The following CNBP variants were observed in gnomAD, a reference collection of about 807,000 sequenced individuals.
The protein encoded by CNBP is CCHC-type zinc finger nucleic acid binding protein.
A neutral mutation model predicts 21.2 loss-of-function variants in CNBP; 6 were observed. The ratio of observed to expected loss-of-function variants is 0.28; its 90% confidence interval spans 0.16 to 0.56. The LOEUF (loss-of-function observed/expected upper bound fraction) is 0.56, where lower values mean the gene tolerates loss of function less well. Ranked by LOEUF, CNBP falls within the 20% of genes least tolerant of loss-of-function variation. The pLI, the probability that CNBP is intolerant of heterozygous loss-of-function variation, is 0.93. For synonymous variants in CNBP, 61 were observed against 74.9 expected, an observed-to-expected ratio of 0.81 and a Z score of 0.96; for missense variants, 112 against 233.1, an observed-to-expected ratio of 0.48 and a Z score of 3.38.
At position 129,181,517 on chromosome 3, in the gene CNBP, G is replaced by A. The variant is rs184405683; in HGVS notation, c.-15+2259C>T. Among the ~76,000 whole-genome samples the A allele has an allele frequency of 7.3e-3, 1,101 of 151,356 alleles. 5 individuals are homozygous for A. Among genetic ancestry groups the A allele is most frequent in the Middle Eastern group, 0.042 (12 of 288 alleles). On this transcript the variant is annotated intron_variant, in intron 1 of 4. Transcript: ENST00000422453. ...AATACAAAAACTAGCTGGGTGTGGC[G>A]GCGGGCGCCTGTAATCCCAGCTACT...
intron 1 of CNBP, among the ~76,000 whole-genome samples, chr3:129,175,389 G>T (rs1378690421): frequency 6.7e-6 from 1 of 150,318 alleles, no homozygotes; most frequent in Non-Finnish European, 1.5e-5. Context: ...GGCAAAGGCA[G>T]AACTTTACAC....
At chr3:129,181,539 T>A (rs1219732517) in intron 1 of CNBP, among the ~76,000 whole-genome samples, 1 of 149,920 alleles carries the variant, frequency 6.7e-6, no homozygotes, top group Non-Finnish European at 1.5e-5. Flanking sequence ...TAATCCCAGC[T>A]ACTTCGGAGG....
rs553299762 is a variant in CNBP at position 129,172,576 on chromosome 3, A to ACAGG, written c.-14-809_-14-806dup. Reference sequence around the variant, plus strand: ...CAGCCTAGGGGACAAAGTGAGACAGACAGGCAGGCAGGCAGGCAGGCAGGC... The same window carrying ACAGG: ...CAGCCTAGGGGACAAAGTGAGACAGACAGGCAGGCAGGCAGGCAGGCAGGCAGGC... On this transcript the variant is annotated intron_variant, in intron 1 of 4. Transcript: ENST00000422453. Among the ~76,000 whole-genome samples the ACAGG allele has an allele frequency of 1.5e-3, 172 of 116,244 alleles. 1 individual carries two copies. The Middle Eastern group carries it at 0.015, about 10-fold the overall frequency. The allele number at this position is 116,244 out of a possible 152,430, so 76.3% of individuals were successfully genotyped here. A position where few individuals can be genotyped will look rare whatever the true frequency, so the allele number is the denominator to read the frequency against.
At chr3:129,179,823 A>G (rs188144234) in intron 1 of CNBP, among the ~76,000 whole-genome samples, 6 of 151,966 alleles carry the variant, frequency 3.9e-5, no homozygotes, top group Admixed American at 3.9e-4. Flanking sequence ...ACAAAGCGAG[A>G]CTCCGTCTCC....
intron 1 of CNBP, among the ~76,000 whole-genome samples, chr3:129,179,627 T>C (rs1560040635): frequency 6.6e-6 from 1 of 152,062 alleles, no homozygotes; most frequent in African/African-American, 2.4e-5. Context: ...TCCCAGCACT[T>C]TGGGAGGCTG....
chr3:129,171,311 T>TATA, intron 3 of CNBP, 34 bp from the exon 4 acceptor site: 1 of 1,611,780 alleles, frequency 6.2e-7, no homozygotes, highest in Non-Finnish European at 8.5e-7. Flanking sequence ...AGGCCAAGAC[T>TATA]ATAAAACCTT....
At chr3:129,172,673 CAGACAGACAGACAGACAGACAG>C (rs1576912682) in intron 1 of CNBP, among the ~76,000 whole-genome samples, 2 of 114,760 alleles carry the variant, frequency 1.7e-5, no homozygotes, top group South Asian at 3.0e-4. Context: ...GACAGACAGA[CAGACAGACAGACAGACAGACAG>C]ACACACACAC....
At chr3:129,182,179 G>A (rs149374346) in intron 1 of CNBP, among the ~76,000 whole-genome samples, 42 of 152,084 alleles carry the variant, frequency 2.8e-4, no homozygotes, top group African/African-American at 1.0e-3. Context: ...AACTGGTTAC[G>A]TTTCACTCCA....
At position 129,170,103 on chromosome 3, in the gene CNBP, C is replaced by T. The variant is rs1289574454; in HGVS notation, c.*350G>A. On this transcript the variant is annotated 3_prime_UTR_variant, in exon 5 of 5. Coordinates refer to ENST00000422453, the MANE Select transcript of CNBP (RefSeq NM_003418.5). ...TATTTATGGAAGTTCATAGACACTT[C>T]CAGAATTGGTTTTACCTCCTACATG... The T allele has an allele frequency of 3.5e-6, 1 of 286,342 alleles. No individual in the cohort carries two copies. Among genetic ancestry groups the T allele is most frequent in the Admixed American group, 4.6e-5 (1 of 21,698 alleles). The allele number at this position is 286,342 out of a possible 1,614,324, so 17.7% of individuals were successfully genotyped here. A position where few individuals can be genotyped will look rare whatever the true frequency, so the allele number is the denominator to read the frequency against.
intron 1 of CNBP, among the ~76,000 whole-genome samples, chr3:129,180,234 ATT>A (rs1427508360): frequency 2.6e-5 from 4 of 152,270 alleles, no homozygotes; most frequent in Admixed American, 6.5e-5. Flanking sequence ...TTCATTCTGT[ATT>A]TCTCTTTAGA....
chr3:129,172,675 GACAGACAGACAGACAGACAGAC>G (rs1313442090), intron 1 of CNBP, among the ~76,000 whole-genome samples: 1 of 111,302 alleles, frequency 9.0e-6, no homozygotes, highest in Non-Finnish European at 1.9e-5. Context: ...CAGACAGACA[GACAGACAGACAGACAGACAGAC>G]ACACACACAC....
At position 129,167,911 on chromosome 3, in the gene CNBP, C is replaced by T. The variant is rs1367518820; in HGVS notation, c.*2542G>A. Reference sequence around the variant, plus strand: ...ATAGCACATGAAAAAATATTATAAGCTTATATTCATAAAGAAATGGGTATG... The same window carrying T: ...ATAGCACATGAAAAAATATTATAAGTTTATATTCATAAAGAAATGGGTATG... On this transcript the variant is annotated 3_prime_UTR_variant, in exon 5 of 5. Transcript: ENST00000422453. 2.6e-5 allele frequency among the ~76,000 whole-genome samples: 4 copies of T among 152,194 alleles called. No individual in the cohort carries two copies. The highest frequency in any genetic ancestry group is 4.4e-5 in the Non-Finnish European group (3 of 68,038).
chr3:129,180,631 A>G (rs1198925283), intron 1 of CNBP, among the ~76,000 whole-genome samples: 2 of 152,250 alleles, frequency 1.3e-5, no homozygotes, highest in Non-Finnish European at 2.9e-5. Context: ...TGACACTGCC[A>G]GAACAGGAGT....
At position 129,168,305 on chromosome 3, in the gene CNBP, A is replaced by G. The variant is rs528001881; in HGVS notation, c.*2148T>C. 6.6e-6 allele frequency among the ~76,000 whole-genome samples: 1 copy of G among 152,256 alleles called. No homozygotes were observed. The highest frequency in any genetic ancestry group is 2.4e-5 in the African/African-American group (1 of 41,544). On this transcript the variant is annotated 3_prime_UTR_variant, in exon 5 of 5. Coordinates refer to ENST00000422453, the MANE Select transcript of CNBP (RefSeq NM_003418.5). The stretch of plus-strand genomic sequence containing the variant: ...GGTCCATCTCAACTCTAAATGAGAC[A>G]CTAGCAAAAACAAGGAATCCACCAC...
At chr3:129,179,378 G>A (rs1039812314) in intron 1 of CNBP, among the ~76,000 whole-genome samples, 4 of 152,080 alleles carry the variant, frequency 2.6e-5, no homozygotes, top group Non-Finnish European at 5.9e-5. Context: ...GTACTTACTC[G>A]GGAGCAATTC....
At chr3:129,170,704 A>G in intron 4 of CNBP, 134 bp from the exon 5 acceptor site, 1 of 700,098 alleles carries the variant, frequency 1.4e-6, no homozygotes, top group Non-Finnish European at 2.5e-6. Context: ...ACAGATATGT[A>G]CACAACAACA....
chr3:129,172,162 C>G (rs1937583150), intron 1 of CNBP, among the ~76,000 whole-genome samples: 1 of 152,024 alleles, frequency 6.6e-6, no homozygotes, highest in Non-Finnish European at 1.5e-5. Context: ...CATTGAGACT[C>G]TGTCTCAAAA....
chr3:129,181,307 T>C (rs1345181826), intron 1 of CNBP, among the ~76,000 whole-genome samples: 1 of 148,364 alleles, frequency 6.7e-6, no homozygotes, highest in Admixed American at 6.7e-5. Context: ...AAAACACATT[T>C]ATACTTTAAA....
chr3:129,181,291 T>G (rs966665206), intron 1 of CNBP, among the ~76,000 whole-genome samples: 1 of 140,008 alleles, frequency 7.1e-6, no homozygotes, highest in South Asian at 2.3e-4. Context: ...TCATAAATCA[T>G]GTAACAAAAC....
Sources: allele counts gnomAD v4.1 joint callset (sites outside exome capture counted in the v4.1 genomes callset), GRCh38; gene constraint gnomAD v4.1.1; transcripts MANE v1.5; gene names NCBI Gene and HGNC (gene_info 2026-07-23, HGNC 2026-07-21).